The following LRRC4C variants were observed in gnomAD, a reference collection of about 807,000 sequenced individuals.
LRRC4C encodes the protein leucine-rich repeat-containing protein 4C.
In LRRC4C, 5 loss-of-function variants were observed where a neutral mutation model predicts 33.6. That is an observed-to-expected ratio of 0.15 (90% CI 0.08 to 0.31). LRRC4C has a LOEUF of 0.31. LRRC4C is among the 10% of genes least tolerant of loss of function. LRRC4C has a pLI of 1.00. For missense variants in LRRC4C, 560 were observed against 796.7 expected (o/e 0.70, Z 3.58); for synonymous variants, 329 against 302.0 (o/e 1.09, Z -0.93).
intron 3 of LRRC4C, among the ~76,000 whole-genome samples, chr11:40,525,915 G>C (rs1003188000): frequency 1.3e-5 from 2 of 152,088 alleles, no homozygotes; most frequent in African/African-American, 4.8e-5. Flanking sequence ...CAGACAGTGG[G>C]ACTAGAACAG....
intron 4 of LRRC4C, among the ~76,000 whole-genome samples, chr11:40,285,438 A>G (rs1228427574): frequency 3.3e-5 from 5 of 152,176 alleles, no homozygotes; most frequent in East Asian, 1.9e-4. Context: ...GGTCCCCACA[A>G]TGAGGACCTC....
intron 4 of LRRC4C, chr11:40,293,120 C>T (rs117621436): frequency 0.057 from 8,613 of 152,158 alleles, 327 homozygotes; most frequent in Non-Finnish European, 0.065. Flanking sequence ...CCCCTCTCCC[C>T]TCCAAACTCC....
intron 2 of LRRC4C, among the ~76,000 whole-genome samples, chr11:40,778,738 A>G (rs989652078): frequency 2.0e-5 from 3 of 152,160 alleles, no homozygotes; most frequent in African/African-American, 7.2e-5. Context: ...AGTTGGGTAA[A>G]TGTGTGGCAG....
chr11:40,890,092 C>A lies in LRRC4C; in HGVS notation c.-407+43543G>T, dbSNP rs544444392. Among the ~76,000 whole-genome samples the A allele has an allele frequency of 1.2e-3, 176 of 152,048 alleles. 5 individuals are homozygous for A. The highest frequency in any genetic ancestry group is 1.0e-4 in the Non-Finnish European group (7 of 68,000). On this transcript the variant is annotated intron_variant, in intron 2 of 6. Transcript: ENST00000528697. The stretch of plus-strand genomic sequence containing the variant: ...CTTGCATCTTCAGATTTCAGGAAAG[C>A]CTTAGTCACATTTATTAAGATGGAG...
chr11:40,699,077 C>T (rs1348562244), intron 2 of LRRC4C, among the ~76,000 whole-genome samples: 3 of 152,174 alleles, frequency 2.0e-5, no homozygotes, highest in East Asian at 1.9e-4. Flanking sequence ...CCACCACACA[C>T]ATACATAACT....
chr11:40,512,777 A>G (rs75798450), intron 3 of LRRC4C, among the ~76,000 whole-genome samples: 2,886 of 152,276 alleles, frequency 0.019, 100 homozygotes, highest in African/African-American at 0.065. Flanking sequence ...CTTTATCAAA[A>G]TCAAGGATGA....
intron 3 of LRRC4C, among the ~76,000 whole-genome samples, chr11:40,555,867 A>G (rs2135474406): frequency 6.6e-6 from 1 of 152,360 alleles, no homozygotes; most frequent in Admixed American, 6.5e-5. Flanking sequence ...TCTGCATGGT[A>G]AACAATAATT....
At chr11:40,343,792 A>G (rs192919973) in intron 3 of LRRC4C, among the ~76,000 whole-genome samples, 323 of 152,012 alleles carry the variant, frequency 2.1e-3, no homozygotes, top group African/African-American at 7.3e-3. Flanking sequence ...ATCCAAATAA[A>G]CATAATTAGA....
intron 1 of LRRC4C, among the ~76,000 whole-genome samples, chr11:41,103,791 C>T (rs1003610779): frequency 1.3e-5 from 2 of 151,840 alleles, no homozygotes; most frequent in Admixed American, 6.6e-5. Context: ...AGACATAGAT[C>T]CATGGCAAAA....
At chr11:41,082,427 C>CTTTTT (rs537908452) in intron 1 of LRRC4C, among the ~76,000 whole-genome samples, 1 of 114,926 alleles carries the variant, frequency 8.7e-6, no homozygotes, top group African/African-American at 3.2e-5. Flanking sequence ...AAATCTCACG[C>CTTTTT]TTTTTTTTTT....
intron 1 of LRRC4C, among the ~76,000 whole-genome samples, chr11:41,075,774 C>T (rs942115192): frequency 6.6e-6 from 1 of 152,144 alleles, no homozygotes; most frequent in Non-Finnish European, 1.5e-5. Context: ...TGTATGCACT[C>T]CAATCAGATT....
Position 41,108,413 on chromosome 11 carries a change from T to A in LRRC4C, c.-495-174690A>T, listed in dbSNP as rs577687582. ...TTACAAACTAAGCTTCCCTACTTGA[T>A]TATAATTCAAATTCTGTCTTTAAGA... On this transcript the variant is annotated intron_variant, in intron 1 of 6. Coordinates refer to ENST00000528697, the MANE Select transcript of LRRC4C (RefSeq NM_001258419.2). Among the ~76,000 whole-genome samples, 544 of 152,244 alleles carry A rather than the reference T, an allele frequency of 3.6e-3. 5 individuals are homozygous for A. The highest frequency in any genetic ancestry group is 0.012 in the African/African-American group (514 of 41,576).
chr11:40,179,440 T>A (rs1860798140), intron 5 of LRRC4C, among the ~76,000 whole-genome samples: 1 of 152,172 alleles, frequency 6.6e-6, no homozygotes, highest in South Asian at 2.1e-4. Flanking sequence ...AAAATAATAA[T>A]GTCCACCACC....
At chr11:40,911,834 T>C (rs1164872291) in intron 2 of LRRC4C, among the ~76,000 whole-genome samples, 1 of 152,110 alleles carries the variant, frequency 6.6e-6, no homozygotes, top group Admixed American at 6.6e-5. Flanking sequence ...GAATAACCAA[T>C]GCAGAGAAGT....
chr11:40,605,937 T>G (rs1007875114), intron 3 of LRRC4C, among the ~76,000 whole-genome samples: 3 of 152,076 alleles, frequency 2.0e-5, no homozygotes, highest in Admixed American at 2.0e-4. Flanking sequence ...TCTTCTCTTG[T>G]TTTGGAGTGC....
In LRRC4C at chr11:41,258,636, C is replaced by T. The variant is rs529911091; in HGVS notation, c.-496+200795G>A. ...ATTGAGAACAAGAGTATGTTTATATCTTATAGAAGGAAGGAACTCAATAAA... is the reference window on the plus strand; with the variant it reads ...ATTGAGAACAAGAGTATGTTTATATTTTATAGAAGGAAGGAACTCAATAAA... On this transcript the variant is annotated intron_variant, in intron 1 of 6. Coordinates refer to ENST00000528697, the MANE Select transcript of LRRC4C (RefSeq NM_001258419.2). Among the ~76,000 whole-genome samples the T allele has an allele frequency of 2.0e-5, 3 of 151,738 alleles. No homozygotes were observed. In the South Asian group the frequency reaches 6.2e-4, roughly 32 times the overall value.
intron 3 of LRRC4C, among the ~76,000 whole-genome samples, chr11:40,523,353 C>T (rs1404186889): frequency 1.3e-5 from 2 of 151,306 alleles, no homozygotes; most frequent in Non-Finnish European, 3.0e-5. Context: ...CTACTCAAGT[C>T]CTTTCTCATT....
intron 4 of LRRC4C, among the ~76,000 whole-genome samples, chr11:40,243,854 ATT>A (rs60367465): frequency 7.5e-4 from 96 of 127,350 alleles, no homozygotes; most frequent in Middle Eastern, 4.0e-3. Context: ...ACACCTGGGT[ATT>A]TTTTTTTTTT....
At chr11:40,535,421 CT>C (rs750943067) in intron 3 of LRRC4C, among the ~76,000 whole-genome samples, 1 of 152,086 alleles carries the variant, frequency 6.6e-6, no homozygotes, top group Non-Finnish European at 1.5e-5. Context: ...TTAGGGTGTC[CT>C]TGATTCAAGC....
Sources: allele counts gnomAD v4.1 joint callset (sites outside exome capture counted in the v4.1 genomes callset), GRCh38; gene constraint gnomAD v4.1.1; transcripts MANE v1.5; gene names NCBI Gene and HGNC (gene_info 2026-07-23, HGNC 2026-07-21).